The following NARS2 variants were observed in gnomAD, a reference collection of about 807,000 sequenced individuals.
The protein encoded by NARS2 is asparaginyl-tRNA synthetase.
Under a neutral mutation model 62.9 loss-of-function variants are expected in NARS2, and 60 were observed. The ratio of observed to expected loss-of-function variants is 0.95; its 90% CI spans 0.77 to 1.18. NARS2 has a LOEUF of 1.18. Ranked by LOEUF, NARS2 falls within the 50% of genes most tolerant of loss-of-function variation. NARS2 has a pLI of 0.00. For missense variants in NARS2, 619 were observed against 576.4 expected, an observed-to-expected ratio of 1.07 and a Z score of -0.76; for synonymous variants, 196 against 200.0, an observed-to-expected ratio of 0.98 and a Z score of 0.17.
chr11:78,478,764 T>C, intron 7 of NARS2, 81 bp from the exon 8 acceptor site: 2 of 714,632 alleles, frequency 2.8e-6, no homozygotes, highest in Non-Finnish European at 2.3e-6. Context: ...AAGGACCGCA[T>C]TCCAGGCTTT....
At chr11:78,542,852 T>A (rs1855678710) in intron 5 of NARS2, among the ~76,000 whole-genome samples, 1 of 152,148 alleles carries the variant, frequency 6.6e-6, no homozygotes, top group South Asian at 2.1e-4. Flanking sequence ...ACAGCCATGA[T>A]CGCTGGCTCA....
intron 6 of NARS2, among the ~76,000 whole-genome samples, chr11:78,512,403 G>C (rs923104956): frequency 2.0e-5 from 3 of 152,140 alleles, no homozygotes; most frequent in African/African-American, 7.2e-5. Flanking sequence ...ATTCACCCAA[G>C]GTTCTCCAGG....
rs185350381 is a variant in NARS2, at chr11:78,459,091, T to A, written c.1164+6785A>T. 4.6e-5 allele frequency among the ~76,000 whole-genome samples: 7 copies of A among 152,136 alleles called. No homozygotes were observed. In the East Asian group the frequency reaches 1.4e-3, roughly 29 times the overall value. ...CACCATGCCTGGCTACTTTTTGTAT[T>A]TTTAGTAAAGACGGGGTTTCACCTT... is the stretch of plus-strand genomic sequence containing the variant. On this transcript the variant is annotated intron_variant, in intron 11 of 13. Coordinates refer to ENST00000281038, the MANE Select transcript of NARS2 (RefSeq NM_024678.6).
At chr11:78,571,501 C>A in intron 1 of NARS2, 57 bp from the exon 2 acceptor site, 1 of 1,154,378 alleles carries the variant, frequency 8.7e-7, no homozygotes, top group Non-Finnish European at 1.3e-6. Context: ...TTTCATTACA[C>A]ATACACACAC....
At chr11:78,502,691 T>G (rs1860326751) in intron 6 of NARS2, among the ~76,000 whole-genome samples, 1 of 152,148 alleles carries the variant, frequency 6.6e-6, no homozygotes, top group South Asian at 2.1e-4. Flanking sequence ...CACAACACAT[T>G]TTTTAAAAGT....
At chr11:78,554,543 GGACT>G (rs1260351369) in intron 5 of NARS2, among the ~76,000 whole-genome samples, 3 of 146,746 alleles carry the variant, frequency 2.0e-5, no homozygotes, top group Non-Finnish European at 3.0e-5. Context: ...ACTGTGAATG[GGACT>G]GACTTTCTGC....
At chr11:78,568,979 A>G (rs1360627251) in intron 2 of NARS2, among the ~76,000 whole-genome samples, 1 of 152,186 alleles carries the variant, frequency 6.6e-6, no homozygotes, top group Non-Finnish European at 1.5e-5. Context: ...AATTTGTATA[A>G]TTAATTCAGA....
chr11:78,439,748 C>T (rs1260698127), intron 13 of NARS2, among the ~76,000 whole-genome samples: 1 of 152,034 alleles, frequency 6.6e-6, no homozygotes, highest in East Asian at 1.9e-4. Context: ...GGTAACTTGC[C>T]CCTTCCTCTT....
chr11:78,506,843 G>C (rs1284975879), intron 6 of NARS2, among the ~76,000 whole-genome samples: 2 of 152,148 alleles, frequency 1.3e-5, no homozygotes, highest in African/African-American at 2.4e-5. Flanking sequence ...TTGGCCTGAT[G>C]TAACTGTTTT....
intron 11 of NARS2, among the ~76,000 whole-genome samples, chr11:78,452,332 C>T (rs1857999900): frequency 6.6e-6 from 1 of 151,956 alleles, no homozygotes; most frequent in Non-Finnish European, 1.5e-5. Context: ...TGGTCTCGAT[C>T]TCTTGACCTT....
intron 1 of NARS2, among the ~76,000 whole-genome samples, chr11:78,574,079 G>A (rs1300006044): frequency 6.6e-6 from 1 of 152,178 alleles, no homozygotes; most frequent in Non-Finnish European, 1.5e-5. Flanking sequence ...GAGAAAGGGG[G>A]CTTGTTCATT....
chr11:78,460,271 A>ATTTT (rs112389422), intron 11 of NARS2, among the ~76,000 whole-genome samples: 31,640 of 144,956 alleles, frequency 0.22, 3,652 homozygotes, highest in East Asian at 0.41. Flanking sequence ...GATTGGGTTA[A>ATTTT]TTTTTTTTTT....
chr11:78,535,273 G>A (rs1461851096), intron 5 of NARS2, among the ~76,000 whole-genome samples: 1 of 152,078 alleles, frequency 6.6e-6, no homozygotes, highest in African/African-American at 2.4e-5. Flanking sequence ...CACCTAAGTC[G>A]TCACTTCCGA....
chr11:78,503,861 G>C (rs1590786780), intron 6 of NARS2, among the ~76,000 whole-genome samples: 1 of 152,216 alleles, frequency 6.6e-6, no homozygotes, highest in African/African-American at 2.4e-5. Context: ...GGAGAAGGAA[G>C]AAGAGGAAGA....
intron 6 of NARS2, among the ~76,000 whole-genome samples, chr11:78,518,578 C>T (rs547954847): frequency 8.3e-4 from 126 of 151,908 alleles, no homozygotes; most frequent in Middle Eastern, 6.8e-3. Context: ...AGTGCAGTGG[C>T]GCAATCTCAG....
At chr11:78,437,960 G>C (rs1412097333) in intron 13 of NARS2, among the ~76,000 whole-genome samples, 1 of 118,830 alleles carries the variant, frequency 8.4e-6, no homozygotes, top group East Asian at 2.7e-4. Flanking sequence ...GGGTGACAGA[G>C]TGAGATTCTG....
At chr11:78,504,214 T>C (rs190833986) in intron 6 of NARS2, among the ~76,000 whole-genome samples, 6 of 152,308 alleles carry the variant, frequency 3.9e-5, no homozygotes, top group Admixed American at 3.9e-4. Context: ...CCAGAATAAT[T>C]ACCCAGTTGA....
chr11:78,543,224 C>A lies in NARS2; in HGVS notation c.595-14288G>T, dbSNP rs186003805. ...ATAAAGCATACTCATATAAAAGTCA[C>A]GATTTTGATGCTATCCAAAGATTAT... On this transcript the variant is annotated intron_variant, in intron 5 of 13. Coordinates refer to ENST00000281038, the MANE Select transcript of NARS2 (RefSeq NM_024678.6). Among the ~76,000 whole-genome samples the A allele has an allele frequency of 5.2e-4, 79 of 152,276 alleles. No homozygotes were observed. In the East Asian group the frequency reaches 8.5e-3, roughly 16 times the overall value.
At chr11:78,573,408 T>C (rs7940507) in intron 1 of NARS2, 101,439 of 151,974 alleles carry the variant, frequency 0.67, 35,447 homozygotes, top group Non-Finnish European at 0.79. Context: ...TGGTGGTGCA[T>C]GCCTATAGTT....
Sources: gnomAD v4.1 joint callset for allele counts (sites outside exome capture counted in the v4.1 genomes callset) on GRCh38, gnomAD v4.1.1 for gene constraint, MANE v1.5 for transcripts, NCBI Gene and HGNC (gene_info 2026-07-23, HGNC 2026-07-21) for gene names.